NCL: variants seen among roughly 807,000 people sequenced by gnomAD.
NCL encodes the protein nucleolin multifunctional protein.
NCL carries 4 observed loss-of-function variants against 77.7 expected under a neutral mutation model. That is an observed-to-expected ratio of 0.05 (90% confidence interval 0.03 to 0.12). NCL has a LOEUF of 0.12. Among genes scored for constraint, NCL ranks in the 10% least tolerant of loss-of-function variants. NCL has a pLI of 1.00. For missense variants in NCL, 763 were observed against 860.9 expected, an observed-to-expected ratio of 0.89 and a Z score of 1.42; for synonymous variants, 344 against 297.8, an observed-to-expected ratio of 1.16 and a Z score of -1.60.
In NCL at chr2:231,460,697, ATCATCT is replaced by A. The variant is rs770891540; in HGVS notation, c.777_782del (p.Glu259_Asp260del). ...CCTCCTCCTCTTCTTCCTCCTCCTC[ATCATCT>A]TCATCATCATCATCTTCATCATCTT... is the stretch of plus-strand genomic sequence containing the variant. On this transcript the variant is annotated inframe_deletion, in exon 4 of 14. Transcript: ENST00000322723. The A allele has an allele frequency of 2.1e-5, 34 of 1,586,234 alleles. No homozygotes were observed. In the South Asian group the frequency reaches 2.6e-4, roughly 12 times the overall value.
intron 12 of NCL, 77 bp downstream of exon 12, chr2:231,455,933 A>AG: frequency 1.2e-6 from 2 of 1,605,896 alleles, no homozygotes; most frequent in Non-Finnish European, 1.7e-6. Context: ...CTCAATGAGA[A>AG]GACACATTAG....
Position 231,463,283 on chromosome 2 carries a change from C to T in NCL, c.52G>A (p.Ala18Thr). The change falls in exon 2 of 14, where the codon GCT becomes ACT. Residue 18 changes from alanine to threonine, a missense_variant. Coordinates refer to ENST00000322723, the MANE Select transcript of NCL (RefSeq NM_005381.3). ...TCTTCTACCTCCTTTGGAGGAGGAG[C>T]CATTTTCTTGGGGTCACCTTGATTT... ...GKNQGDPKKM[A>T]PPPKEVEEDS... 2.5e-6 allele frequency: 4 copies of T among 1,612,304 alleles called. No individual in the cohort carries two copies. Among genetic ancestry groups the T allele is most frequent in the South Asian group, 1.1e-5 (1 of 90,422 alleles).
chr2:231,456,152 A>G lies in NCL; in HGVS notation c.1706-16T>C. On this transcript the variant is annotated splice_polypyrimidine_tract_variant and intron_variant, in intron 11 of 13. Coordinates refer to ENST00000322723, the MANE Select transcript of NCL (RefSeq NM_005381.3). ...TTGGATGGCTCTGGGAAGGAAAAAA[A>G]AATGTGACTTTATGTGAAGTCACAG... 1 of 1,613,568 alleles carries G rather than the reference A, an allele frequency of 6.2e-7. No individual in the cohort carries two copies. The highest frequency in any genetic ancestry group is 8.5e-7 in the Non-Finnish European group (1 of 1,179,858).
intron 1 of NCL, chr2:231,463,603 G>T: frequency 2.5e-6 from 1 of 401,052 alleles, no homozygotes; most frequent in Non-Finnish European, 4.5e-6. Context: ...AAGCACAACC[G>T]TGTTTTAATA....
Position 231,460,799 on chromosome 2 carries a change from CACAGGA to C in NCL, c.675_680del (p.Pro226_Val227del). The C allele has an allele frequency of 1.9e-6, 3 of 1,614,176 alleles. No individual in the cohort carries two copies. The highest frequency in any genetic ancestry group is 2.5e-6 in the Non-Finnish European group (3 of 1,180,044). The stretch of plus-strand genomic sequence containing the variant: ...CATCCTCAGCCACGTTCTTGGCTTT[CACAGGA>C]ACAACTTTTGCAGCTTTCTTTCCTT... On this transcript the variant is annotated inframe_deletion, in exon 4 of 14. Coordinates refer to ENST00000322723, the MANE Select transcript of NCL (RefSeq NM_005381.3).
intron 6 of NCL, among the ~76,000 whole-genome samples, 165 bp from the exon 7 acceptor site, chr2:231,459,290 A>G (rs1049520913): frequency 6.6e-6 from 1 of 152,328 alleles, no homozygotes; most frequent in South Asian, 2.1e-4. Context: ...GCAGCTACAG[A>G]ACAAGGTCTC....
chr2:231,463,945 C>G (rs750741126), intron 1 of NCL: 5 of 252,970 alleles, frequency 2.0e-5, no homozygotes, highest in Non-Finnish European at 3.4e-5. Context: ...CCAAGGCACC[C>G]GGTCCCTCTG....
intron 9 of NCL, chr2:231,457,338 G>T: frequency 1.3e-6 from 1 of 789,436 alleles, no homozygotes; most frequent in Non-Finnish European, 2.2e-6. Context: ...CTGATGACTG[G>T]TCTGTTTTCC....
chr2:231,464,474 A>G lies in NCL; in HGVS notation c.-121T>C. On this transcript the variant is annotated 5_prime_UTR_variant, in exon 1 of 14. Coordinates refer to ENST00000322723, the MANE Select transcript of NCL (RefSeq NM_005381.3). ...GCACGTACACCCGAAGGCCAGCGAG[A>G]GCTCGAGACTGAGGCGAAAGACTGA... 2.9e-6 allele frequency: 4 copies of G among 1,376,506 alleles called. No homozygotes were observed. The highest frequency in any genetic ancestry group is 3.0e-6 in the Non-Finnish European group (3 of 990,440). 85.3% of individuals were successfully genotyped at this position (1,376,506 alleles called of 1,614,324 possible). A position where few individuals can be genotyped will look rare whatever the true frequency, so the allele number is the denominator to read the frequency against.
Position 231,458,369 on chromosome 2 carries a change from A to G in NCL, c.1186T>C (p.Leu396=), listed in dbSNP as rs1460860392. The G allele has an allele frequency of 1.2e-6, 2 of 1,613,968 alleles. No homozygotes were observed. The highest frequency in any genetic ancestry group is 1.7e-5 in the Admixed American group (1 of 59,994). Residue 396 remains leucine (L), a synonymous_variant, in exon 8 of 14, where the codon TTG becomes CTG. Coordinates refer to ENST00000322723, the MANE Select transcript of NCL (RefSeq NM_005381.3). The part of the protein sequence containing the change: ...SKKERDARTL[L]AKNLPYKVTQ... ...ACTTTGTAAGGGAGATTTTTAGCCA[A>G]AAGTGTTCTCGCATCTCGCTCTAGA... is the stretch of plus-strand genomic sequence containing the variant.
intron 1 of NCL, 81 bp downstream of exon 1, chr2:231,464,255 C>G: frequency 1.3e-6 from 2 of 1,531,012 alleles, no homozygotes; most frequent in Non-Finnish European, 1.8e-6. Context: ...GGACTGCGCG[C>G]AGGCCCTCCT....
rs1181530013 is a variant in NCL at position 231,461,776 on chromosome 2, C to A, written c.377G>T (p.Gly126Val). 1 of 1,614,236 alleles carries A rather than the reference C, an allele frequency of 6.2e-7. No homozygotes were observed. Among genetic ancestry groups the A allele is most frequent in the South Asian group, 1.1e-5 (1 of 91,090 alleles). The change falls in exon 3 of 14, where the codon GGT (glycine) becomes GTT (valine). Residue 126 changes from glycine to valine, a missense_variant. By Grantham distance (109) the Gly-to-Val change is moderately radical. This residue lies in a region of NCL where 590 missense variants were observed against 570.5 expected (regional missense o/e 1.03). Coordinates refer to ENST00000322723, the MANE Select transcript of NCL (RefSeq NM_005381.3). ...KALVATPGKK[G>V]AAIPAKGAKN... ...TGCCCCCTTGGCTGGGATGGCAGCA[C>A]CCTTCTTACCAGGAGTTGCTACCAA... is the stretch of plus-strand genomic sequence containing the variant.
chr2:231,461,529 C>G lies in NCL; in HGVS notation c.613+11G>C. ...ATCAGAAGCCCAGTAACTACCAAGA[C>G]AACTCCTTACCATCTTCCTCATCGT... On this transcript the variant is annotated intron_variant, in intron 3 of 13. Transcript: ENST00000322723. The G allele has an allele frequency of 6.2e-7, 1 of 1,611,320 alleles. No homozygotes were observed. The highest frequency in any genetic ancestry group is 1.3e-5 in the African/African-American group (1 of 75,024).
rs200648697 is a variant in NCL at position 231,456,673 on chromosome 2, G to A, written c.1663C>T (p.Leu555=). Residue 555 remains leucine, a synonymous_variant, in exon 11 of 14, where the codon CTG becomes TTG. Coordinates refer to ENST00000322723, the MANE Select transcript of NCL (RefSeq NM_005381.3). ...GATCCCCTGGGTCCTTGCAACTCCA[G>A]CCTGATTGCTCTGCCCTCAATTTCC... ...KREIEGRAIR[L]ELQGPRGSPN... 1 of 1,614,084 alleles carries A rather than the reference G, an allele frequency of 6.2e-7. No homozygotes were observed. The highest frequency in any genetic ancestry group is 1.3e-5 in the African/African-American group (1 of 75,008).
At chr2:231,463,120 G>T in intron 2 of NCL, 80 bp downstream of exon 2, 1 of 1,038,270 alleles carries the variant, frequency 9.6e-7, no homozygotes, top group Non-Finnish European at 1.4e-6. Flanking sequence ...TCTTATTTTT[G>T]CCACAGATAT....
rs768946409 is a variant in NCL, at chr2:231,454,925, T to C, written c.*266A>G. On this transcript the variant is annotated 3_prime_UTR_variant, in exon 14 of 14. Coordinates refer to ENST00000322723, the MANE Select transcript of NCL (RefSeq NM_005381.3). ...AACTATTTGTAGGAAAAAATGGTTTTGTACATGGGATGAAACAATATAAAT... is the reference window on the plus strand; with the variant it reads ...AACTATTTGTAGGAAAAAATGGTTTCGTACATGGGATGAAACAATATAAAT... 1.8e-5 allele frequency: 6 copies of C among 338,596 alleles called. No homozygotes were observed. Among genetic ancestry groups the C allele is most frequent in the Non-Finnish European group, 2.7e-5 (5 of 187,924 alleles). The allele number at this position is 338,596 out of a possible 1,614,324, so 21.0% of individuals were successfully genotyped here. A position where few individuals can be genotyped will look rare whatever the true frequency, so the allele number is the denominator to read the frequency against.
At chr2:231,464,085 GC>G (rs2046977576) in intron 1 of NCL, 1 of 1,344,004 alleles carries the variant, frequency 7.4e-7, no homozygotes, top group African/African-American at 1.5e-5. Flanking sequence ...GAGGCCCAGC[GC>G]CCCCTCCCCG....
chr2:231,457,736 T>C lies in NCL; in HGVS notation c.1354A>G (p.Thr452Ala), dbSNP rs1342571669. Residue 452 changes from threonine to alanine, a missense_variant, in exon 9 of 14, where the codon ACA becomes GCA. By Grantham distance (58) the Thr-to-Ala change is moderately conservative. This residue lies in a region of NCL where 590 missense variants were observed against 570.5 expected (regional missense o/e 1.03). Transcript: ENST00000322723. ...GAAATAGATCGCCCATCGATCTCTG[T>C]TCCCTGCTTTTCTTCAAAGGTTTTC... ...AEKTFEEKQG[T>A]EIDGRSISLY... 1.9e-6 allele frequency: 3 copies of C among 1,613,062 alleles called. No individual in the cohort carries two copies. Among genetic ancestry groups the C allele is most frequent in the Non-Finnish European group, 2.5e-6 (3 of 1,179,442 alleles).
chr2:231,458,498 A>G, intron 7 of NCL, 109 bp from the exon 8 acceptor site: 1 of 1,350,524 alleles, frequency 7.4e-7, no homozygotes, highest in Non-Finnish European at 1.0e-6. Context: ...AAATAATTTG[A>G]GATCCTATAA....
Sources: allele counts gnomAD v4.1 joint callset (sites outside exome capture counted in the v4.1 genomes callset), GRCh38; gene constraint gnomAD v4.1.1; regional missense constraint gnomAD v4.1.1; transcripts MANE v1.5; gene names NCBI Gene and HGNC (gene_info 2026-07-23, HGNC 2026-07-21).